The following TRIP10 variants were observed in gnomAD, a reference collection of about 807,000 sequenced individuals.
TRIP10 encodes thyroid hormone receptor interactor 10, also known as cdc42-interacting protein 4.
TRIP10 carries 54 observed loss-of-function variants against 80.9 expected under a neutral mutation model. The observed-to-expected ratio is 0.67, with a 90% CI of 0.54 to 0.84. The LOEUF is 0.84. TRIP10 is among the 40% of genes least tolerant of loss of function. The probability of loss-of-function intolerance (pLI) is 0.00; values close to 1 mark genes in which losing one functional copy is unlikely to be tolerated. For missense variants in TRIP10, 773 were observed against 815.3 expected (o/e 0.95, Z 0.63); for synonymous variants, 321 against 307.2 (o/e 1.04, Z -0.47).
intron 1 of TRIP10, 88 bp downstream of exon 1, chr19:6,739,873 C>T: frequency 7.6e-7 from 1 of 1,321,948 alleles, no homozygotes; most frequent in Non-Finnish European, 9.8e-7. Context: ...GAGGGGGCTC[C>T]GCGCCTTTCC....
chr19:6,750,063 T>G lies in TRIP10; in HGVS notation c.1392T>G (p.Tyr464Ter). The G allele has an allele frequency of 6.3e-7, 1 of 1,586,790 alleles. No individual in the cohort carries two copies. Among genetic ancestry groups the G allele is most frequent in the Non-Finnish European group, 8.5e-7 (1 of 1,174,156 alleles). The change falls in exon 12 of 15, where the codon TAT becomes TAG. Residue 464 changes from tyrosine to a stop codon, truncating the protein, a stop_gained. Coordinates refer to ENST00000313244, the MANE Select transcript of TRIP10 (RefSeq NM_001288962.2). LOFTEE classifies it high-confidence loss of function. ...IERLKLEVQK[Y>*]EAWLAEAESR... ...GGCTGAAATTGGAAGTGCAGAAGTA[T>G]GAGGTCAGGAAAGACCCTGGGGAGG...
Position 6,745,674 on chromosome 19 carries a change from G to A in TRIP10, c.985-355G>A. The A allele has an allele frequency of 4.1e-6, 4 of 985,226 alleles. No individual in the cohort carries two copies. The highest frequency in any genetic ancestry group is 4.8e-6 in the Non-Finnish European group (4 of 829,882). 61.0% of individuals were successfully genotyped at this position (985,226 alleles called of 1,614,324 possible). The stretch of plus-strand genomic sequence containing the variant: ...AAGCTAAGTGGACAGAGAGACATGG[G>A]CCTCCCTGCCTCCTGGACCCATGCT... On this transcript the variant is annotated intron_variant, in intron 9 of 14. Transcript: ENST00000313244. The surrounding 1 kb of genome is among the most constrained non-coding windows in gnomAD (Gnocchi z 7.2).
At chr19:6,747,985 CTA>C (rs2145550344) in intron 11 of TRIP10, among the ~76,000 whole-genome samples, 1 of 88,846 alleles carries the variant, frequency 1.1e-5, no homozygotes, top group South Asian at 3.0e-4. Flanking sequence ...TTTTTAAAAA[CTA>C]AAAAAAAAAA....
Position 6,745,831 on chromosome 19 carries a change from T to C in TRIP10, c.985-198T>C. On this transcript the variant is annotated intron_variant, in intron 9 of 14. Coordinates refer to ENST00000313244, the MANE Select transcript of TRIP10 (RefSeq NM_001288962.2). This position sits in a 1 kb window ranked among gnomAD's most constrained non-coding sequence, Gnocchi z 7.2. The stretch of plus-strand genomic sequence containing the variant: ...TTGTGTCGCTCCTGCATGCGTTTTC[T>C]CTGTGTGGTTGTGCATCTTGAGTTG... The C allele has an allele frequency of 1.0e-6, 1 of 985,396 alleles. No homozygotes were observed. Among genetic ancestry groups the C allele is most frequent in the East Asian group, 1.1e-4 (1 of 8,820 alleles). The allele number at this position is 985,396 out of a possible 1,614,324, so 61.0% of individuals were successfully genotyped here.
Position 6,751,317 on chromosome 19 carries a change from A to C in TRIP10, c.*106A>C. Reference sequence around the variant, plus strand: ...TTCTGACCCCGTGGCTTCGGCTGAGACCTGTGTAACCTGCTGCCCCCTCCA... The same window carrying C: ...TTCTGACCCCGTGGCTTCGGCTGAGCCCTGTGTAACCTGCTGCCCCCTCCA... On this transcript the variant is annotated 3_prime_UTR_variant, in exon 15 of 15. Transcript: ENST00000313244. 6.4e-7 allele frequency: 1 copy of C among 1,559,600 alleles called. No individual in the cohort carries two copies. Among genetic ancestry groups the C allele is most frequent in the Admixed American group, 1.8e-5 (1 of 55,612 alleles).
chr19:6,749,724 G>A (rs1969226825), intron 11 of TRIP10, among the ~76,000 whole-genome samples: 1 of 152,076 alleles, frequency 6.6e-6, no homozygotes, highest in South Asian at 2.1e-4. Flanking sequence ...GGTGATGCGG[G>A]TCTATAGTCC....
Position 6,742,989 on chromosome 19 carries a change from G to C in TRIP10, c.220G>C (p.Val74Leu), listed in dbSNP as rs772274772. Residue 74 changes from valine to leucine, a missense_variant, in exon 4 of 15, where the codon GTA (valine) becomes CTA (leucine). Transcript: ENST00000313244. The part of the protein sequence containing the change: ...ESKFSQQQSF[V>L]QILQEVNDFA... Reference sequence around the variant, plus strand: ...CAGATTCAGCCAGCAACAGTCCTTCGTACAGATTCTCCAGGAGGTGAATGA... The same window carrying C: ...CAGATTCAGCCAGCAACAGTCCTTCCTACAGATTCTCCAGGAGGTGAATGA... 1.2e-6 allele frequency: 2 copies of C among 1,613,980 alleles called. No individual in the cohort carries two copies. The highest frequency in any genetic ancestry group is 1.3e-5 in the African/African-American group (1 of 74,906).
Position 6,751,395 on chromosome 19 carries a change from C to T in TRIP10, c.*184C>T. On this transcript the variant is annotated 3_prime_UTR_variant, in exon 15 of 15. Transcript: ENST00000313244. ...CGGACGGACCCGCTGTGCCTTCTAC[C>T]ATCGTTCCACCATTGATGTACATAC... 3.0e-6 allele frequency: 4 copies of T among 1,337,866 alleles called. No homozygotes were observed. Among genetic ancestry groups the T allele is most frequent in the Non-Finnish European group, 2.9e-6 (3 of 1,029,022 alleles). The allele number at this position is 1,337,866 out of a possible 1,614,324, so 82.9% of individuals were successfully genotyped here. A position where few individuals can be genotyped will look rare whatever the true frequency, so the allele number is the denominator to read the frequency against.
In TRIP10 at chr19:6,743,685, C is replaced by A. The variant is rs769148562; in HGVS notation, c.514-23C>A. On this transcript the variant is annotated intron_variant, in intron 6 of 14. Transcript: ENST00000313244. ...GGGACGTGATCGGAACCTGGCAGTA[C>A]CTTCCACCTCTGCATTCTTCAGGCC... is the stretch of plus-strand genomic sequence containing the variant. 3 of 1,613,314 alleles carry A rather than the reference C, an allele frequency of 1.9e-6. No homozygotes were observed. The Admixed American group carries it at 5.0e-5, about 27-fold the overall frequency.
At chr19:6,742,160 C>T (rs1968934339) in intron 3 of TRIP10, among the ~76,000 whole-genome samples, 1 of 150,460 alleles carries the variant, frequency 6.6e-6, no homozygotes, top group African/African-American at 2.5e-5. Context: ...GGAGGGTGCG[C>T]AGGTGGATCA....
intron 1 of TRIP10, chr19:6,740,649 C>T (rs1321843933): frequency 1.2e-5 from 3 of 248,274 alleles, no homozygotes; most frequent in Non-Finnish European, 1.6e-5. Context: ...GCCCCTCTGG[C>T]CTTGACTCAC....
In TRIP10 at chr19:6,744,894, C is replaced by T. The variant is rs1969057111; in HGVS notation, c.884C>T (p.Pro295Leu). ...TTCAGCCAGCCCATGAACCGTGCAC[C>T]CTCCGACAGCAGTCTGGGCACCCCC... is the stretch of plus-strand genomic sequence containing the variant. ...EDFSQPMNRA[P>L]SDSSLGTPSD... The change falls in exon 9 of 15, where the codon CCC becomes CTC. Residue 295 changes from proline to leucine, a missense_variant. Coordinates refer to ENST00000313244, the MANE Select transcript of TRIP10 (RefSeq NM_001288962.2). This position sits in a 1 kb window ranked among gnomAD's most constrained non-coding sequence, Gnocchi z 4.9. 3 of 1,614,132 alleles carry T rather than the reference C, an allele frequency of 1.9e-6. No homozygotes were observed. Among genetic ancestry groups the T allele is most frequent in the Middle Eastern group, 1.6e-4 (1 of 6,084 alleles).
At position 6,746,280 on chromosome 19, in the gene TRIP10, C is replaced by T. The variant is rs537296174; in HGVS notation, c.1152+84C>T. 2.6e-5 allele frequency: 38 copies of T among 1,483,066 alleles called. No individual in the cohort carries two copies. In the Middle Eastern group the frequency reaches 5.5e-4, roughly 21 times the overall value. 91.9% of individuals were successfully genotyped at this position (1,483,066 alleles called of 1,614,324 possible). On this transcript the variant is annotated intron_variant, in intron 10 of 14. Coordinates refer to ENST00000313244, the MANE Select transcript of TRIP10 (RefSeq NM_001288962.2). This position sits in a 1 kb window ranked among gnomAD's most constrained non-coding sequence, Gnocchi z 6.2. ...GCGGGACCCTGGGCTCGCTTCCTGCCGCTGGCTGGGCCCCTCTTCCCTGGT... is the reference window on the plus strand; with the variant it reads ...GCGGGACCCTGGGCTCGCTTCCTGCTGCTGGCTGGGCCCCTCTTCCCTGGT...
At chr19:6,743,358 C>G in intron 5 of TRIP10, 102 bp downstream of exon 5, 2 of 1,539,166 alleles carry the variant, frequency 1.3e-6, no homozygotes, top group Admixed American at 3.7e-5. Context: ...CTGGACCTTC[C>G]CTCCCCCATA....
chr19:6,743,922 C>T (rs1281210887), intron 7 of TRIP10, 86 bp downstream of exon 7: 1 of 1,530,188 alleles, frequency 6.5e-7, no homozygotes, highest in Non-Finnish European at 8.9e-7. Context: ...ACCCCAGCTG[C>T]AATGTCCCAG....
chr19:6,743,295 C>A, intron 5 of TRIP10, 39 bp downstream of exon 5: 1 of 1,610,306 alleles, frequency 6.2e-7, no homozygotes. Flanking sequence ...GGCCCGGAGG[C>A]ATGGGGGCAG....
chr19:6,745,655 A>C lies in TRIP10; in HGVS notation c.985-374A>C. 1 of 985,204 alleles carries C rather than the reference A, an allele frequency of 1.0e-6. No homozygotes were observed. The allele number at this position is 985,204 out of a possible 1,614,324, so 61.0% of individuals were successfully genotyped here. On this transcript the variant is annotated intron_variant, in intron 9 of 14. Transcript: ENST00000313244. This position sits in a 1 kb window ranked among gnomAD's most constrained non-coding sequence, Gnocchi z 7.2. ...TCTAGACTGTCAGCCCAGAAAGCTA[A>C]GTGGACAGAGAGACATGGGCCTCCC...
chr19:6,751,301 CGTGGCTTCGGCTGAGACCTGT>C lies in TRIP10; in HGVS notation c.*93_*113del. The C allele has an allele frequency of 6.3e-7, 1 of 1,592,740 alleles. No individual in the cohort carries two copies. Among genetic ancestry groups the C allele is most frequent in the South Asian group, 1.1e-5 (1 of 88,504 alleles). The stretch of plus-strand genomic sequence containing the variant: ...GACCTATGCACTTTATTTCTGACCC[CGTGGCTTCGGCTGAGACCTGT>C]GTAACCTGCTGCCCCCTCCACCCCC... On this transcript the variant is annotated 3_prime_UTR_variant, in exon 15 of 15. Transcript: ENST00000313244.
chr19:6,747,856 G>A (rs1257791440), intron 11 of TRIP10, among the ~76,000 whole-genome samples: 1 of 151,434 alleles, frequency 6.6e-6, no homozygotes, highest in Non-Finnish European at 1.5e-5. Flanking sequence ...TATAAGCCCA[G>A]CACTTTGGGA....
Sources: allele counts gnomAD v4.1 joint callset (sites outside exome capture counted in the v4.1 genomes callset), GRCh38; gene constraint gnomAD v4.1.1; non-coding constraint Gnocchi (gnomAD v3.1); transcripts MANE v1.5; gene names NCBI Gene and HGNC (gene_info 2026-07-23, HGNC 2026-07-21).